The following CEP63 variants were observed in gnomAD, a reference collection of about 807,000 sequenced individuals.
The protein encoded by CEP63 is centrosomal protein of 63 kDa.
In CEP63, 84 loss-of-function variants were observed where a neutral mutation model predicts 89.1. The ratio of observed to expected loss-of-function variants is 0.94; its 90% CI spans 0.79 to 1.13. CEP63 has a LOEUF of 1.13. CEP63 is among the 50% of genes most tolerant of loss of function. CEP63 has a pLI of 0.00. For missense variants in CEP63, 838 were observed against 813.3 expected (o/e 1.03, Z -0.37); for synonymous variants, 267 against 272.5 (o/e 0.98, Z 0.20).
At chr3:134,619,154 A>T in the CEP63 span, 1 of 1,613,510 alleles carries the variant, frequency 6.2e-7, no homozygotes. Flanking sequence ...GTACCTGCAC[A>T]TTCTCTCGAA....
At chr3:134,706,684 C>T in the CEP63 span, among the ~76,000 whole-genome samples, 3 of 152,176 alleles carry the variant, frequency 2.0e-5, no homozygotes, top group African/African-American at 7.2e-5. Flanking sequence ...TGGCTTAAAA[C>T]AAGAGAAATT....
At chr3:134,507,043 A>G (rs111472578) in intron 2 of CEP63, 66 bp from the exon 3 acceptor site, 1 of 1,219,578 alleles carries the variant, frequency 8.2e-7, no homozygotes, top group East Asian at 2.4e-5. Flanking sequence ...ATATTTTTAC[A>G]TGAAAAAGAT....
At chr3:134,739,041 G>C in the CEP63 span, among the ~76,000 whole-genome samples, 1 of 151,970 alleles carries the variant, frequency 6.6e-6, no homozygotes, top group Non-Finnish European at 1.5e-5. Flanking sequence ...ACTGTTGGTG[G>C]GAATGTAAAT....
chr3:134,762,872 G>A, the CEP63 span, among the ~76,000 whole-genome samples: 2 of 152,220 alleles, frequency 1.3e-5, no homozygotes, highest in East Asian at 3.9e-4. Flanking sequence ...ACAAACGAAC[G>A]AACAACCAAA....
chr3:134,778,299 G>C, the CEP63 span, among the ~76,000 whole-genome samples: 19 of 151,802 alleles, frequency 1.3e-4, no homozygotes, highest in Admixed American at 7.9e-4. Flanking sequence ...GTTTCACCAT[G>C]TTGGCCAGGC....
At chr3:134,706,689 G>A in the CEP63 span, among the ~76,000 whole-genome samples, 1 of 152,184 alleles carries the variant, frequency 6.6e-6, no homozygotes, top group Non-Finnish European at 1.5e-5. Context: ...TAAAACAAGA[G>A]AAATTAATTT....
chr3:134,746,264 T>A, the CEP63 span, among the ~76,000 whole-genome samples: 582 of 152,282 alleles, frequency 3.8e-3, 3 homozygotes, highest in African/African-American at 0.014. Flanking sequence ...CTTTTTTTTA[T>A]GGCTGCATAG....
chr3:134,741,155 C>G, the CEP63 span, among the ~76,000 whole-genome samples: 9,667 of 152,258 alleles, frequency 0.063, 531 homozygotes, highest in South Asian at 0.31. Flanking sequence ...TTTCAGAGGA[C>G]TATTTCTGCC....
chr3:134,746,893 G>C, the CEP63 span, among the ~76,000 whole-genome samples: 11 of 152,134 alleles, frequency 7.2e-5, no homozygotes, highest in Non-Finnish European at 1.2e-4. Flanking sequence ...TCACTCTGAT[G>C]GCAGTTTCTT....
At chr3:134,533,273 A>G (rs1185093313) in intron 5 of CEP63, among the ~76,000 whole-genome samples, 1 of 152,218 alleles carries the variant, frequency 6.6e-6, no homozygotes, top group African/African-American at 2.4e-5. Context: ...ATTGTACCTC[A>G]AATGCCAGTA....
chr3:134,652,809 A>G, the CEP63 span, among the ~76,000 whole-genome samples: 2 of 152,198 alleles, frequency 1.3e-5, no homozygotes, highest in African/African-American at 4.8e-5. Context: ...TGGGCCAGTC[A>G]GTGTTGTCTA....
At chr3:134,751,883 C>G in the CEP63 span, among the ~76,000 whole-genome samples, 3 of 152,170 alleles carry the variant, frequency 2.0e-5, no homozygotes. Context: ...AAAAAAAAGT[C>G]TGGGCTCCCT....
the CEP63 span, among the ~76,000 whole-genome samples, chr3:134,680,774 A>C: frequency 3.3e-5 from 5 of 152,230 alleles, no homozygotes; most frequent in Admixed American, 6.5e-5. Flanking sequence ...AGAGAGCTCA[A>C]AGAGATCTGA....
the CEP63 span, among the ~76,000 whole-genome samples, chr3:134,781,899 A>G: frequency 6.6e-6 from 1 of 152,096 alleles, no homozygotes; most frequent in African/African-American, 2.4e-5. Context: ...TATGTCTTAC[A>G]GCGCTAGCTC....
the CEP63 span, among the ~76,000 whole-genome samples, chr3:134,684,517 C>T: frequency 6.6e-6 from 1 of 152,336 alleles, no homozygotes; most frequent in Non-Finnish European, 1.5e-5. Flanking sequence ...CCTGCCATCG[C>T]AAGGACGCTT....
Position 134,561,455 on chromosome 3 carries a change from C to T in CEP63, c.2032C>T (p.Leu678=). 4.3e-6 allele frequency: 7 copies of T among 1,613,864 alleles called. No individual in the cohort carries two copies. Among genetic ancestry groups the T allele is most frequent in the Non-Finnish European group, 5.9e-6 (7 of 1,179,830 alleles). The change falls in exon 15 of 15, where the codon CTA becomes TTA. Residue 678 remains leucine, a synonymous_variant. Transcript: ENST00000675561. ...EEEELRSHHI[L]ERLDAHIEEL... Reference sequence around the variant, plus strand: ...GGAGGAACTGAGGTCTCATCACATTCTAGAGCGCTTGGATGCCCATATTGA... The same window carrying T: ...GGAGGAACTGAGGTCTCATCACATTTTAGAGCGCTTGGATGCCCATATTGA...
chr3:134,602,462 C>A, the CEP63 span, among the ~76,000 whole-genome samples: 3 of 152,154 alleles, frequency 2.0e-5, no homozygotes, highest in Non-Finnish European at 4.4e-5. Flanking sequence ...ATGTTTTCTC[C>A]GAGACAGGCA....
In CEP63 at chr3:134,488,989, C is replaced by A. The variant is rs1354698980; in HGVS notation, c.-26+2787C>A. Among the ~76,000 whole-genome samples, 6 of 152,068 alleles carry A rather than the reference C, an allele frequency of 3.9e-5. No individual in the cohort carries two copies. The South Asian group carries it at 6.2e-4, about 16-fold the overall frequency. On this transcript the variant is annotated intron_variant, in intron 1 of 14. Transcript: ENST00000675561. ...TGACCAACATGGTGAAACCCCGTCTCTACTAAAAATGAAAAATTAGCCGGG... is the reference window on the plus strand; with the variant it reads ...TGACCAACATGGTGAAACCCCGTCTATACTAAAAATGAAAAATTAGCCGGG...
intron 6 of CEP63, among the ~76,000 whole-genome samples, chr3:134,542,637 G>T: frequency 6.6e-6 from 1 of 152,106 alleles, no homozygotes; most frequent in South Asian, 2.1e-4. Flanking sequence ...CTCACTCTCT[G>T]GGAGAGTCAT....
Sources: allele counts gnomAD v4.1 joint callset (sites outside exome capture counted in the v4.1 genomes callset), GRCh38; gene constraint gnomAD v4.1.1; transcripts MANE v1.5; gene names NCBI Gene and HGNC (gene_info 2026-07-23, HGNC 2026-07-21).